Variants in PCDHGA7 observed in about 807,000 individuals in gnomAD.
The protein encoded by PCDHGA7 is protocadherin gamma subfamily A, 7, also known as protocadherin gamma-A7.
A neutral mutation model predicts 58.3 loss-of-function variants in PCDHGA7; 44 were observed. That is an observed-to-expected ratio of 0.75 (90% CI 0.59 to 0.97). The LOEUF is 0.97. PCDHGA7 is among the 50% of genes least tolerant of loss of function. PCDHGA7 has a pLI of 0.00. For missense variants in PCDHGA7, 1,266 were observed against 1,188.7 expected (o/e 1.06, Z -0.96); for synonymous variants, 516 against 504.2 (o/e 1.02, Z -0.31).
intron 1 of PCDHGA7, chr5:141,389,544 A>G (rs759523366): frequency 1.2e-6 from 2 of 1,613,260 alleles, no homozygotes; most frequent in Non-Finnish European, 1.7e-6. Context: ...GGACGACCGC[A>G]ACGACAATGC....
At chr5:141,479,842 G>A (rs1167563746) in intron 1 of PCDHGA7, among the ~76,000 whole-genome samples, 3 of 152,172 alleles carry the variant, frequency 2.0e-5, no homozygotes, top group African/African-American at 7.2e-5. Context: ...TCCATGCAAG[G>A]TGACTGCAAG....
Position 141,491,726 on chromosome 5 carries a change from C to A in PCDHGA7, c.2425-3081C>A, listed in dbSNP as rs1018940432. ...GTGAGGGGCTCGGCGCCGCCCCGGG[C>A]GACCCCTGGGGGCGGCACTGGAGAA... On this transcript the variant is annotated intron_variant, in intron 1 of 3. Coordinates refer to ENST00000518325, the MANE Select transcript of PCDHGA7 (RefSeq NM_018920.4). This position sits in a 1 kb window ranked among gnomAD's most constrained non-coding sequence, Gnocchi z 6.9. 2.2e-5 allele frequency: 36 copies of A among 1,605,766 alleles called. No individual in the cohort carries two copies. Among genetic ancestry groups the A allele is most frequent in the African/African-American group, 4.0e-5 (3 of 74,588 alleles).
In PCDHGA7 at chr5:141,431,318, G is replaced by T. The variant is rs1309389474; in HGVS notation, c.2424+45995G>T. The T allele has an allele frequency of 6.2e-7, 1 of 1,614,086 alleles. No individual in the cohort carries two copies. Among genetic ancestry groups the T allele is most frequent in the African/African-American group, 1.3e-5 (1 of 75,050 alleles). ...CTCCCTCATCGTGCAAAATGGAGCCGACGGTAGTAAGTACCCCGAATTGGT... is the reference window on the plus strand; with the variant it reads ...CTCCCTCATCGTGCAAAATGGAGCCTACGGTAGTAAGTACCCCGAATTGGT... On this transcript the variant is annotated intron_variant, in intron 1 of 3. Coordinates refer to ENST00000518325, the MANE Select transcript of PCDHGA7 (RefSeq NM_018920.4). The surrounding 1 kb of genome is among the most constrained non-coding windows in gnomAD (Gnocchi z 4.8).
At chr5:141,458,594 G>T (rs1226490392) in intron 1 of PCDHGA7, among the ~76,000 whole-genome samples, 1 of 151,612 alleles carries the variant, frequency 6.6e-6, no homozygotes, top group Non-Finnish European at 1.5e-5. Context: ...TTTTGGAGAC[G>T]AGTCTCACTC....
chr5:141,395,463 C>A, intron 1 of PCDHGA7: 1 of 582,522 alleles, frequency 1.7e-6, no homozygotes, highest in Non-Finnish European at 2.9e-6. Flanking sequence ...CCATTTTAAG[C>A]CTTCCAGTAT....
chr5:141,413,461 C>G (rs1294898087), intron 1 of PCDHGA7: 11 of 1,614,082 alleles, frequency 6.8e-6, no homozygotes, highest in Non-Finnish European at 7.6e-6. Flanking sequence ...CAGGATAGAC[C>G]GGGAGGAGCT....
At chr5:141,478,740 C>T (rs2099474176) in intron 1 of PCDHGA7, 7 of 1,531,524 alleles carry the variant, frequency 4.6e-6, no homozygotes, top group Non-Finnish European at 6.2e-6. Flanking sequence ...GGTTTGTGGT[C>T]CCATTTCAGG....
chr5:141,409,513 C>G (rs2095276446), intron 1 of PCDHGA7: 1 of 1,614,030 alleles, frequency 6.2e-7, no homozygotes, highest in South Asian at 1.1e-5. Flanking sequence ...CCAGTAGAAG[C>G]ATCACCTTGT....
intron 1 of PCDHGA7, among the ~76,000 whole-genome samples, chr5:141,397,238 C>A (rs2093493095): frequency 6.6e-6 from 1 of 151,972 alleles, no homozygotes; most frequent in African/African-American, 2.4e-5. Flanking sequence ...AGAAGAGCAA[C>A]GTAGTAGGGT....
In PCDHGA7 at chr5:141,422,062, A is replaced by G. The variant is rs776838280; in HGVS notation, c.2424+36739A>G. The G allele has an allele frequency of 1.2e-6, 2 of 1,612,022 alleles. No individual in the cohort carries two copies. The highest frequency in any genetic ancestry group is 2.7e-5 in the African/African-American group (2 of 74,802). ...AGACGAGGGAATCAACGGGGAAGTAATGTATTCATTTCGGAACATGGAAAG... is the reference window on the plus strand; with the variant it reads ...AGACGAGGGAATCAACGGGGAAGTAGTGTATTCATTTCGGAACATGGAAAG... On this transcript the variant is annotated intron_variant, in intron 1 of 3. Transcript: ENST00000518325.
At chr5:141,400,087 G>A (rs751908680) in intron 1 of PCDHGA7, 3 of 1,614,042 alleles carry the variant, frequency 1.9e-6, no homozygotes, top group Non-Finnish European at 2.5e-6. Flanking sequence ...CTCCGCCACC[G>A]CCACGCTGCA....
At position 141,491,753 on chromosome 5, in the gene PCDHGA7, C is replaced by T. The variant is rs373728953; in HGVS notation, c.2425-3054C>T. On this transcript the variant is annotated intron_variant, in intron 1 of 3. Coordinates refer to ENST00000518325, the MANE Select transcript of PCDHGA7 (RefSeq NM_018920.4). The surrounding 1 kb of genome is among the most constrained non-coding windows in gnomAD (Gnocchi z 6.9). ...ACCCCTGGGGGCGGCACTGGAGAAGCCGCCCGTCCTCATAAGGGATTGAAC... is the reference window on the plus strand; with the variant it reads ...ACCCCTGGGGGCGGCACTGGAGAAGTCGCCCGTCCTCATAAGGGATTGAAC... 4 of 1,585,146 alleles carry T rather than the reference C, an allele frequency of 2.5e-6. No homozygotes were observed. Among genetic ancestry groups the T allele is most frequent in the East Asian group, 2.3e-5 (1 of 43,412 alleles).
intron 1 of PCDHGA7, chr5:141,394,304 G>T (rs1317596371): frequency 1.2e-6 from 2 of 1,613,932 alleles, no homozygotes; most frequent in Admixed American, 1.7e-5. Flanking sequence ...ACACGCTGCA[G>T]GGGGCGCCCC....
intron 1 of PCDHGA7, among the ~76,000 whole-genome samples, chr5:141,397,520 TA>T (rs2093534630): frequency 6.6e-6 from 1 of 152,170 alleles, no homozygotes; most frequent in South Asian, 2.1e-4. Flanking sequence ...CCATAGCTAA[TA>T]AAAAATGAAT....
chr5:141,475,740 A>G (rs942793010), intron 1 of PCDHGA7, among the ~76,000 whole-genome samples: 4 of 152,280 alleles, frequency 2.6e-5, no homozygotes, highest in Non-Finnish European at 5.9e-5. Flanking sequence ...TCCCTAAGGT[A>G]GGTTTCCTAT....
rs1307889557 is a variant in PCDHGA7, at chr5:141,486,267, C to G, written c.2425-8540C>G. On this transcript the variant is annotated intron_variant, in intron 1 of 3. Transcript: ENST00000518325. The surrounding 1 kb of genome is among the most constrained non-coding windows in gnomAD (Gnocchi z 5.0). ...GGAACCCTCCCCGAGAGTGCAGAAC[C>G]TGGCACTGTGGTGGCACTTATCAGT... 1 of 1,614,128 alleles carries G rather than the reference C, an allele frequency of 6.2e-7. No homozygotes were observed. Among genetic ancestry groups the G allele is most frequent in the South Asian group, 1.1e-5 (1 of 91,072 alleles).
intron 1 of PCDHGA7, chr5:141,416,520 G>A (rs1209482346): frequency 6.6e-6 from 1 of 152,136 alleles, no homozygotes; most frequent in African/African-American, 2.4e-5. Context: ...TATTTCAGTG[G>A]CTCTTTAATG....
rs1177043977 is a variant in PCDHGA7, at chr5:141,491,919, C to G, written c.2425-2888C>G. On this transcript the variant is annotated intron_variant, in intron 1 of 3. Coordinates refer to ENST00000518325, the MANE Select transcript of PCDHGA7 (RefSeq NM_018920.4). The surrounding 1 kb of genome is among the most constrained non-coding windows in gnomAD (Gnocchi z 6.9). ...CACCGGGGGTGGTGGCGACTGTGGG[C>G]GAGGGGAGGTGGGACCGACCCCCAC... 5 of 1,361,900 alleles carry G rather than the reference C, an allele frequency of 3.7e-6. No homozygotes were observed. The South Asian group carries it at 7.8e-5, about 21-fold the overall frequency. The allele number at this position is 1,361,900 out of a possible 1,614,324, so 84.4% of individuals were successfully genotyped here. A position where few individuals can be genotyped will look rare whatever the true frequency, so the allele number is the denominator to read the frequency against.
chr5:141,413,906 C>G, intron 1 of PCDHGA7: 1 of 1,613,310 alleles, frequency 6.2e-7, no homozygotes. Context: ...GACAACGCGC[C>G]GGTCTTCACC....
Sources: gnomAD v4.1 joint callset for allele counts (sites outside exome capture counted in the v4.1 genomes callset) on GRCh38, gnomAD v4.1.1 for gene constraint, Gnocchi (gnomAD v3.1) non-coding constraint, MANE v1.5 for transcripts, NCBI Gene and HGNC (gene_info 2026-07-23, HGNC 2026-07-21) for gene names.